Variants in CA6 observed in about 807,000 individuals in gnomAD.
CA6 encodes carbonic anhydrase 6.
Under a neutral mutation model 35.9 loss-of-function variants are expected in CA6, and 28 were observed. The ratio of observed to expected loss-of-function variants is 0.78; its 90% CI spans 0.58 to 1.07. CA6 has a LOEUF of 1.07. Among genes scored for constraint, CA6 ranks in the 50% least tolerant of loss-of-function variants. The pLI, the probability that CA6 is intolerant of heterozygous loss-of-function variation, is 0.00. For synonymous variants in CA6, 148 were observed against 152.6 expected (o/e 0.97, Z 0.22); for missense variants, 377 against 382.0 (o/e 0.99, Z 0.11).
intron 4 of CA6, among the ~76,000 whole-genome samples, chr1:8,962,296 T>A (rs1639861544): frequency 6.6e-6 from 1 of 151,832 alleles, no homozygotes; most frequent in Non-Finnish European, 1.5e-5. Context: ...GGGACTTTTT[T>A]AGAGTAAGAG....
chr1:8,949,173 A>AG, intron 1 of CA6, 90 bp from the exon 2 acceptor site: 1 of 1,012,304 alleles, frequency 9.9e-7, no homozygotes, highest in Non-Finnish European at 1.4e-6. Context: ...CCCGCCCAGC[A>AG]GGCCCTGGCC....
At chr1:8,971,703 C>T (rs1310537988) in intron 7 of CA6, among the ~76,000 whole-genome samples, 1 of 152,226 alleles carries the variant, frequency 6.6e-6, no homozygotes, top group African/African-American at 2.4e-5. Flanking sequence ...CCTATACATT[C>T]TCTCAAAGTG....
intron 7 of CA6, among the ~76,000 whole-genome samples, chr1:8,973,176 C>A (rs565992131): frequency 6.6e-6 from 1 of 152,158 alleles, no homozygotes; most frequent in African/African-American, 2.4e-5. Flanking sequence ...CGCGCCCCCA[C>A]GCCAGGCTAA....
intron 7 of CA6, among the ~76,000 whole-genome samples, chr1:8,971,797 A>T (rs909071285): frequency 7.2e-5 from 11 of 152,124 alleles, no homozygotes; most frequent in Admixed American, 7.2e-4. Context: ...AGGTGCGGGC[A>T]GGCCAGCCTC....
chr1:8,954,864 C>T (rs34392565), intron 2 of CA6, among the ~76,000 whole-genome samples: 28,457 of 152,076 alleles, frequency 0.19, 2,868 homozygotes, highest in East Asian at 0.38. Context: ...TGTGAGCTGC[C>T]GGGCCTGGCC....
chr1:8,965,860 C>T lies in CA6; in HGVS notation c.572-1799C>T, dbSNP rs201596345. ...TGAGATTGTGCCACTGCACTCCAGT[C>T]TGGGTGACAGAGTGAGACTCTGCTT... On this transcript the variant is annotated intron_variant, in intron 5 of 7. Coordinates refer to ENST00000377443, the MANE Select transcript of CA6 (RefSeq NM_001215.4). 2.0e-5 allele frequency among the ~76,000 whole-genome samples: 3 copies of T among 148,130 alleles called. No homozygotes were observed. In the East Asian group the frequency reaches 6.0e-4, roughly 30 times the overall value.
Position 8,967,762 on chromosome 1 carries a change from TGA to T in CA6, c.678_679del (p.Asn227ArgfsTer61). On this transcript the variant is annotated frameshift_variant, in exon 6 of 8. Coordinates refer to ENST00000377443, the MANE Select transcript of CA6 (RefSeq NM_001215.4). LOFTEE classifies it high-confidence loss of function. ...GCTCACTCACCACGCCTCCCTGCAC[TGA>T]GAACGTCCACTGGTTTGTGCTGGCA... ...HGSLTTPPCTENVHWFVLADF... is the reference protein window; with the variant it reads ...HGSLTTPPCTXNVHWFVLADF... 6.2e-7 allele frequency: 1 copy of T among 1,614,030 alleles called. No individual in the cohort carries two copies. The highest frequency in any genetic ancestry group is 8.5e-7 in the Non-Finnish European group (1 of 1,179,948).
intron 4 of CA6, among the ~76,000 whole-genome samples, chr1:8,962,369 T>C (rs547131765): frequency 6.6e-6 from 1 of 152,120 alleles, no homozygotes; most frequent in African/African-American, 2.4e-5. Context: ...GCTGCCAAAA[T>C]ACTTCAGATA....
At chr1:8,958,162 A>G (rs990883170) in intron 3 of CA6, among the ~76,000 whole-genome samples, 10 of 151,714 alleles carry the variant, frequency 6.6e-5, no homozygotes, top group African/African-American at 2.4e-4. Context: ...TCTATGTGTT[A>G]GATTTTCTTT....
chr1:8,950,005 A>AGTCTC lies in CA6; in HGVS notation c.259+564_259+568dup, dbSNP rs549655288. ...AATTTTGTTTATTTTTTTGAGACAG[A>AGTCTC]GTCTCACTCTGTTGCCCAGGCTGGA... On this transcript the variant is annotated intron_variant, in intron 2 of 7. Coordinates refer to ENST00000377443, the MANE Select transcript of CA6 (RefSeq NM_001215.4). Among the ~76,000 whole-genome samples, 519 of 152,086 alleles carry AGTCTC rather than the reference A, an allele frequency of 3.4e-3. 6 individuals carry two copies. The highest frequency in any genetic ancestry group is 0.012 in the African/African-American group (492 of 41,460).
intron 2 of CA6, among the ~76,000 whole-genome samples, chr1:8,953,597 G>A (rs1420850719): frequency 2.0e-5 from 3 of 151,934 alleles, no homozygotes; most frequent in Non-Finnish European, 4.4e-5. Flanking sequence ...ACTCCAGCCT[G>A]GGTGACAGAG....
intron 7 of CA6, among the ~76,000 whole-genome samples, chr1:8,972,367 T>C (rs1227225030): frequency 6.6e-6 from 1 of 152,132 alleles, no homozygotes; most frequent in Non-Finnish European, 1.5e-5. Context: ...CATCTTTATA[T>C]GTACCTTTTA....
chr1:8,964,888 G>C (rs1639930899), intron 5 of CA6, among the ~76,000 whole-genome samples: 1 of 152,062 alleles, frequency 6.6e-6, no homozygotes, highest in South Asian at 2.1e-4. Flanking sequence ...CCTAAATGTT[G>C]GGTGGAGTCA....
chr1:8,960,789 C>CACACACACATATATATAT lies in CA6; in HGVS notation c.501+1788_501+1789insCACACACATATATATATA, dbSNP rs59987426. 5.5e-3 allele frequency among the ~76,000 whole-genome samples: 648 copies of CACACACACATATATATAT among 116,804 alleles called. 5 individuals carry two copies. The highest frequency in any genetic ancestry group is 0.024 in the Middle Eastern group (6 of 248). 76.6% of individuals were successfully genotyped at this position (116,804 alleles called of 152,430 possible). ...ACACACACACACACACACACACACA[C>CACACACACATATATATAT]ATATATATAATGGGAGTCCCAGAAG... On this transcript the variant is annotated intron_variant, in intron 4 of 7. Coordinates refer to ENST00000377443, the MANE Select transcript of CA6 (RefSeq NM_001215.4).
intron 2 of CA6, among the ~76,000 whole-genome samples, chr1:8,955,616 G>GCCTCCTTTTAAGGCTCTTC (rs1557623798): frequency 6.7e-6 from 1 of 150,118 alleles, no homozygotes; most frequent in Non-Finnish European, 1.5e-5. Context: ...CACTGACCTT[G>GCCTCCTTTTAAGGCTCTTC]CACGCCTCCT....
intron 5 of CA6, among the ~76,000 whole-genome samples, chr1:8,966,652 T>G (rs773042303): frequency 1.3e-5 from 2 of 152,230 alleles, no homozygotes; most frequent in African/African-American, 4.8e-5. Context: ...TATCTACGTA[T>G]GTATCAAAAC....
chr1:8,960,632 C>A lies in CA6; in HGVS notation c.501+1630C>A, dbSNP rs1292074961. Among the ~76,000 whole-genome samples the A allele has an allele frequency of 2.0e-5, 3 of 151,818 alleles. No homozygotes were observed. The South Asian group carries it at 6.2e-4, about 32-fold the overall frequency. ...TGAGGCAGCAGAAGAAAAAAAGAAT[C>A]AGTGCATTTGAAGATAGAGCAATGA... On this transcript the variant is annotated intron_variant, in intron 4 of 7. Transcript: ENST00000377443.
intron 2 of CA6, among the ~76,000 whole-genome samples, chr1:8,955,928 A>C (rs1184412108): frequency 6.6e-6 from 1 of 152,240 alleles, no homozygotes; most frequent in Non-Finnish European, 1.5e-5. Flanking sequence ...GATGACTTTA[A>C]ATAGGAAGAT....
rs1409999092 is a variant in CA6 at position 8,970,937 on chromosome 1, A to G, written c.800A>G (p.Gln267Arg). Residue 267 changes from glutamine to arginine, a missense_variant, in exon 7 of 8, where the codon CAG becomes CGG. Gln to Arg is a conservative substitution (Grantham distance 43). Transcript: ENST00000377443. The stretch of plus-strand genomic sequence containing the variant: ...ATCCACAACGATTACCGCAGGACCC[A>G]GCCCCTGAACCACAGAGTGGTGGAA... Reference protein sequence around the residue: ...KTIHNDYRRTQPLNHRVVESN... With the variant: ...KTIHNDYRRTRPLNHRVVESN... 2 of 1,614,096 alleles carry G rather than the reference A, an allele frequency of 1.2e-6. No homozygotes were observed. The highest frequency in any genetic ancestry group is 2.7e-5 in the African/African-American group (2 of 75,066).
Sources: allele counts gnomAD v4.1 joint callset (sites outside exome capture counted in the v4.1 genomes callset), GRCh38; gene constraint gnomAD v4.1.1; transcripts MANE v1.5; gene names NCBI Gene and HGNC (gene_info 2026-07-23, HGNC 2026-07-21).